EXOC5: variants seen among roughly 807,000 people sequenced by gnomAD.
EXOC5 encodes the protein SEC10-like 1.
A neutral mutation model predicts 90.8 loss-of-function variants in EXOC5; 17 were observed. The ratio of observed to expected loss-of-function variants is 0.19; its 90% CI spans 0.13 to 0.28. EXOC5 has a LOEUF of 0.28. Among genes scored for constraint, EXOC5 ranks in the 10% least tolerant of loss-of-function variants. EXOC5 has a pLI of 1.00. For synonymous variants in EXOC5, 260 were observed against 270.0 expected, an observed-to-expected ratio of 0.96 and a Z score of 0.36; for missense variants, 569 against 830.6, an observed-to-expected ratio of 0.69 and a Z score of 3.87.
chr14:57,241,890 T>C (rs77074600), intron 4 of EXOC5, among the ~76,000 whole-genome samples: 37 of 151,920 alleles, frequency 2.4e-4, no homozygotes, highest in African/African-American at 7.7e-4. Flanking sequence ...TCCCAGCACT[T>C]TGGGAGGCCG....
rs1395152877 is a variant in EXOC5, at chr14:57,208,559, G to A, written c.*50C>T. 2 of 1,401,496 alleles carry A rather than the reference G, an allele frequency of 1.4e-6. No individual in the cohort carries two copies. Among genetic ancestry groups the A allele is most frequent in the Non-Finnish European group, 2.0e-6 (2 of 998,774 alleles). The allele number at this position is 1,401,496 out of a possible 1,614,324, so 86.8% of individuals were successfully genotyped here. A position where few individuals can be genotyped will look rare whatever the true frequency, so the allele number is the denominator to read the frequency against. On this transcript the variant is annotated 3_prime_UTR_variant, in exon 18 of 18. Transcript: ENST00000621441. ...TCAACCGAGGGCTGCTGAAGTATAAGACATTCCTCTGTAAAGGAACTGACA... is the reference window on the plus strand; with the variant it reads ...TCAACCGAGGGCTGCTGAAGTATAAAACATTCCTCTGTAAAGGAACTGACA...
chr14:57,233,706 T>G (rs541191390), intron 9 of EXOC5, 37 bp downstream of exon 9: 1 of 1,286,700 alleles, frequency 7.8e-7, no homozygotes, highest in East Asian at 2.5e-5. Context: ...TACATATTGC[T>G]TTAAGAACTA....
chr14:57,258,028 T>C (rs1180912310), intron 1 of EXOC5, among the ~76,000 whole-genome samples: 4 of 152,224 alleles, frequency 2.6e-5, no homozygotes, highest in African/African-American at 9.6e-5. Flanking sequence ...GAAATTTAGC[T>C]TTACATAATT....
chr14:57,213,134 A>T (rs1882875769), intron 15 of EXOC5, among the ~76,000 whole-genome samples: 1 of 152,106 alleles, frequency 6.6e-6, no homozygotes, highest in Admixed American at 6.6e-5. Flanking sequence ...CTGTAATCCC[A>T]GCACTTTGTG....
chr14:57,239,817 G>A (rs1307408440), intron 4 of EXOC5, among the ~76,000 whole-genome samples, 158 bp from the exon 5 acceptor site: 1 of 152,048 alleles, frequency 6.6e-6, no homozygotes, highest in Non-Finnish European at 1.5e-5. Context: ...AACTTTATGA[G>A]CAACAAGAAT....
At chr14:57,263,421 G>C (rs1358216905) in intron 1 of EXOC5, among the ~76,000 whole-genome samples, 1 of 151,792 alleles carries the variant, frequency 6.6e-6, no homozygotes, top group Non-Finnish European at 1.5e-5. Flanking sequence ...AGTGAGCTGT[G>C]ATTACACTAC....
intron 5 of EXOC5, among the ~76,000 whole-genome samples, chr14:57,239,169 T>G (rs1307338815): frequency 1.3e-5 from 2 of 152,172 alleles, no homozygotes; most frequent in Admixed American, 6.5e-5. Context: ...AGAAAGGTGA[T>G]AGCGTTCATC....
intron 12 of EXOC5, among the ~76,000 whole-genome samples, chr14:57,226,825 A>C (rs1162009082): frequency 6.6e-6 from 1 of 152,186 alleles, no homozygotes; most frequent in African/African-American, 2.4e-5. Context: ...GTATAACTTA[A>C]CTCAAAATTG....
chr14:57,248,076 T>C (rs1355470801), intron 1 of EXOC5, among the ~76,000 whole-genome samples: 2 of 151,766 alleles, frequency 1.3e-5, no homozygotes, highest in East Asian at 1.9e-4. Context: ...AATTATCCTT[T>C]TTTAAAAATC....
chr14:57,257,930 C>T (rs895482641), intron 1 of EXOC5, among the ~76,000 whole-genome samples: 1 of 152,112 alleles, frequency 6.6e-6, no homozygotes, highest in African/African-American at 2.4e-5. Flanking sequence ...AAAGGTTTAG[C>T]TTCACTTTGT....
At chr14:57,261,602 A>T (rs1463072615) in intron 1 of EXOC5, among the ~76,000 whole-genome samples, 1 of 152,220 alleles carries the variant, frequency 6.6e-6, no homozygotes, top group Non-Finnish European at 1.5e-5. Context: ...CAACCACTCA[A>T]ATAGTTAGTG....
At chr14:57,230,102 G>A in intron 11 of EXOC5, among the ~76,000 whole-genome samples, 1 of 152,056 alleles carries the variant, frequency 6.6e-6, no homozygotes, top group South Asian at 2.1e-4. Context: ...TCTAATTTCT[G>A]AAGTTGCTTT....
At chr14:57,229,563 A>G (rs1883414156) in intron 12 of EXOC5, among the ~76,000 whole-genome samples, 171 bp downstream of exon 12, 1 of 152,226 alleles carries the variant, frequency 6.6e-6, no homozygotes, top group South Asian at 2.1e-4. Flanking sequence ...TAATCTACAG[A>G]CTAATTAAAG....
chr14:57,238,018 A>G (rs1333648055), intron 5 of EXOC5, among the ~76,000 whole-genome samples: 1 of 152,000 alleles, frequency 6.6e-6, no homozygotes, highest in African/African-American at 2.4e-5. Flanking sequence ...GAAATATTTT[A>G]AGATTGTGTG....
chr14:57,231,261 G>A (rs1184212831), intron 11 of EXOC5, among the ~76,000 whole-genome samples: 3 of 151,924 alleles, frequency 2.0e-5, no homozygotes, highest in South Asian at 4.1e-4. Flanking sequence ...AGCCCATCTC[G>A]GCCTCCCAAA....
rs1421584627 is a variant in EXOC5 at position 57,210,000 on chromosome 14, C to G, written c.1675G>C (p.Asp559His). The G allele has an allele frequency of 6.3e-7, 1 of 1,596,448 alleles. No homozygotes were observed. Among genetic ancestry groups the G allele is most frequent in the Non-Finnish European group, 8.6e-7 (1 of 1,167,374 alleles). ...TTGTTTTCATCTTCTGGCTTAAAAT[C>G]TGTTTTCTTCTGTTCTGCAGCCAAA... Reference protein sequence around the residue: ...HILAAEQKKTDFKPEDENNVL... With the variant: ...HILAAEQKKTHFKPEDENNVL... Residue 559 changes from aspartate (D) to histidine (H), a missense_variant, in exon 16 of 18, where the codon GAT (aspartate) becomes CAT (histidine). Physicochemically the swap from Asp to His is moderately conservative, Grantham distance 81 (BLOSUM62 -1). This residue lies in a region of EXOC5 where 34 missense variants were observed against 101.1 expected (regional missense o/e 0.34). Coordinates refer to ENST00000621441, the MANE Select transcript of EXOC5 (RefSeq NM_006544.4).
At chr14:57,220,636 C>CA (rs3837615) in intron 13 of EXOC5, among the ~76,000 whole-genome samples, 2,128 of 151,422 alleles carry the variant, frequency 0.014, 50 homozygotes, top group East Asian at 0.09. Context: ...CCCAACTCTA[C>CA]AAAAAAAGAA....
In EXOC5 at chr14:57,245,879, C is replaced by T. The variant is rs1884017924; in HGVS notation, c.270+832G>A. Among the ~76,000 whole-genome samples the T allele has an allele frequency of 3.3e-5, 5 of 152,028 alleles. 1 individual carries two copies. The South Asian group carries it at 8.3e-4, about 25-fold the overall frequency. ...ACAAACCTGGCCAACATAGCAAAATCTCTACTAAAAATACAAAAAAATTAG... is the reference window on the plus strand; with the variant it reads ...ACAAACCTGGCCAACATAGCAAAATTTCTACTAAAAATACAAAAAAATTAG... On this transcript the variant is annotated intron_variant, in intron 3 of 17. Transcript: ENST00000621441.
chr14:57,227,232 A>C lies in EXOC5; in HGVS notation c.1296+2502T>G, dbSNP rs139284557. Among the ~76,000 whole-genome samples, 348 of 152,262 alleles carry C rather than the reference A, an allele frequency of 2.3e-3. 2 individuals are homozygous for C. Among genetic ancestry groups the C allele is most frequent in the African/African-American group, 7.8e-3 (326 of 41,568 alleles). On this transcript the variant is annotated intron_variant, in intron 12 of 17. Transcript: ENST00000621441. ...ATCATCACTGCATTAGGAAAATGAA[A>C]ACTAAAACTATAATCAAATATCACT...
Sources: gnomAD v4.1 joint callset for allele counts (sites outside exome capture counted in the v4.1 genomes callset) on GRCh38, gnomAD v4.1.1 for gene constraint, gnomAD v4.1.1 regional missense constraint, MANE v1.5 for transcripts, NCBI Gene and HGNC (gene_info 2026-07-23, HGNC 2026-07-21) for gene names.